CEP112: variants seen among roughly 807,000 people sequenced by gnomAD.
CEP112 encodes centrosomal protein of 112 kDa.
A neutral mutation model predicts 153.0 loss-of-function variants in CEP112; 127 were observed. That is an observed-to-expected ratio of 0.83 (90% confidence interval 0.72 to 0.96). CEP112 has a LOEUF of 0.96. Ranked by LOEUF, CEP112 falls within the 40% of genes least tolerant of loss-of-function variation. The pLI is 0.00. For synonymous variants in CEP112, 358 were observed against 374.4 expected (o/e 0.96, Z 0.51); for missense variants, 1,089 against 1,101.2 (o/e 0.99, Z 0.16).
chr17:66,150,497 C>T (rs1206627054), intron 4 of CEP112, among the ~76,000 whole-genome samples: 1 of 152,212 alleles, frequency 6.6e-6, no homozygotes, highest in Admixed American at 6.5e-5. Context: ...TCCCAAACTG[C>T]TGGGATTATA....
chr17:66,163,243 G>A (rs1568564136), intron 4 of CEP112, among the ~76,000 whole-genome samples: 2 of 151,878 alleles, frequency 1.3e-5, no homozygotes, highest in Non-Finnish European at 2.9e-5. Context: ...CATGTTTTTT[G>A]CATGCATGCT....
At chr17:65,653,550 T>C (rs1025273588) in intron 24 of CEP112, among the ~76,000 whole-genome samples, 9 of 152,012 alleles carry the variant, frequency 5.9e-5, no homozygotes, top group Admixed American at 5.2e-4. Context: ...CAATTGGCCA[T>C]CTGGTGTAAG....
chr17:66,127,553 C>T (rs2069906255), intron 6 of CEP112, among the ~76,000 whole-genome samples: 1 of 152,100 alleles, frequency 6.6e-6, no homozygotes, highest in African/African-American at 2.4e-5. Flanking sequence ...ACTTTAATTT[C>T]CTATCCATTT....
At position 65,703,812 on chromosome 17, in the gene CEP112, TAC is replaced by T. The variant is rs2048764851; in HGVS notation, c.2608-14596_2608-14595del. ...GTCTTTAATCTAACAAATTAAAATG[TAC>T]AAAAAAAAAAACCCAGAAAAACAAG... On this transcript the variant is annotated intron_variant, in intron 23 of 26. Coordinates refer to ENST00000535342, the MANE Select transcript of CEP112 (RefSeq NM_001199165.4). 3.8e-5 allele frequency among the ~76,000 whole-genome samples: 3 copies of T among 79,944 alleles called. No homozygotes were observed. In the South Asian group the frequency reaches 9.3e-4, roughly 25 times the overall value. The allele number at this position is 79,944 out of a possible 152,430, so 52.4% of individuals were successfully genotyped here. A position where few individuals can be genotyped will look rare whatever the true frequency, so the allele number is the denominator to read the frequency against.
intron 1 of CEP112, among the ~76,000 whole-genome samples, chr17:66,188,307 A>ACG: frequency 6.6e-6 from 1 of 151,024 alleles, no homozygotes; most frequent in Admixed American, 6.6e-5. Flanking sequence ...ACACACACAC[A>ACG]CACACACACA....
chr17:65,925,204 T>A (rs1243495482), intron 19 of CEP112, among the ~76,000 whole-genome samples: 1 of 151,918 alleles, frequency 6.6e-6, no homozygotes, highest in East Asian at 1.9e-4. Flanking sequence ...TAAATGGGAG[T>A]TCCCCTGCAC....
At chr17:66,010,274 G>T (rs1173630686) in intron 16 of CEP112, among the ~76,000 whole-genome samples, 1 of 152,116 alleles carries the variant, frequency 6.6e-6, no homozygotes, top group East Asian at 1.9e-4. Context: ...TGTTGCTGGT[G>T]TATAAGAATG....
rs142587527 is a variant in CEP112, at chr17:66,067,197, T to C, written c.856-320A>G. ...TGCAGCAGCTAGGAGGTAGAATCTA[T>C]ATGATCTGCCACACTTGGAAGCTTC... On this transcript the variant is annotated intron_variant, in intron 9 of 26. Coordinates refer to ENST00000535342, the MANE Select transcript of CEP112 (RefSeq NM_001199165.4). Among the ~76,000 whole-genome samples, 346 of 152,316 alleles carry C rather than the reference T, an allele frequency of 2.3e-3. 3 individuals carry two copies. The highest frequency in any genetic ancestry group is 8.1e-3 in the African/African-American group (336 of 41,578).
chr17:66,157,685 T>C (rs1254633169), intron 4 of CEP112, among the ~76,000 whole-genome samples: 1 of 146,954 alleles, frequency 6.8e-6, no homozygotes, highest in African/African-American at 2.5e-5. Context: ...TGGAGGAATA[T>C]TTACCAAGCA....
intron 6 of CEP112, among the ~76,000 whole-genome samples, chr17:66,108,956 A>G (rs1174657890): frequency 6.6e-6 from 1 of 152,222 alleles, no homozygotes; most frequent in Non-Finnish European, 1.5e-5. Flanking sequence ...AGATCCTGTC[A>G]TTTGCAAAAA....
chr17:65,875,351 A>C (rs1350379604), intron 20 of CEP112, among the ~76,000 whole-genome samples: 1 of 152,100 alleles, frequency 6.6e-6, no homozygotes, highest in Non-Finnish European at 1.5e-5. Context: ...TAATCAAACC[A>C]AGTAGTATAG....
At chr17:65,773,430 T>C (rs1220758374) in intron 21 of CEP112, among the ~76,000 whole-genome samples, 4 of 152,130 alleles carry the variant, frequency 2.6e-5, no homozygotes, top group Admixed American at 1.3e-4. Flanking sequence ...TTTATAATAC[T>C]CATTTTCTTC....
At chr17:66,047,129 T>C (rs1291684118) in intron 12 of CEP112, among the ~76,000 whole-genome samples, 1 of 152,196 alleles carries the variant, frequency 6.6e-6, no homozygotes, top group Admixed American at 6.5e-5. Flanking sequence ...ATTTATTTAT[T>C]TTTTTGAGAT....
intron 24 of CEP112, among the ~76,000 whole-genome samples, chr17:65,675,543 A>G (rs967312147): frequency 2.0e-5 from 3 of 152,188 alleles, no homozygotes; most frequent in Non-Finnish European, 4.4e-5. Context: ...TATCAACTTG[A>G]TACAAATTCT....
chr17:65,729,106 C>T (rs2050347840), intron 23 of CEP112, among the ~76,000 whole-genome samples: 2 of 152,066 alleles, frequency 1.3e-5, no homozygotes, highest in African/African-American at 4.8e-5. Flanking sequence ...AATAATTGTA[C>T]ATATTCCGTT....
At chr17:65,814,493 A>G (rs1374485828) in intron 21 of CEP112, among the ~76,000 whole-genome samples, 5 of 152,212 alleles carry the variant, frequency 3.3e-5, no homozygotes. Context: ...CACTTAATTT[A>G]CAGAGATGTA....
At chr17:66,164,649 C>T (rs1264490917) in intron 4 of CEP112, among the ~76,000 whole-genome samples, 1 of 149,188 alleles carries the variant, frequency 6.7e-6, no homozygotes, top group Non-Finnish European at 1.5e-5. Flanking sequence ...CAACGTCAGG[C>T]ATTCAAGACC....
intron 20 of CEP112, among the ~76,000 whole-genome samples, chr17:65,874,745 C>T (rs900928533): frequency 6.6e-6 from 1 of 152,064 alleles, no homozygotes; most frequent in African/African-American, 2.4e-5. Flanking sequence ...TTTCTTACAG[C>T]ATGCTTCCTA....
intron 4 of CEP112, among the ~76,000 whole-genome samples, chr17:66,145,213 A>T (rs1467699583): frequency 1.3e-5 from 2 of 152,120 alleles, no homozygotes; most frequent in Non-Finnish European, 1.5e-5. Context: ...AAGTGTCTGT[A>T]AACTCTTTTG....
Sources: gnomAD v4.1 joint callset for allele counts (sites outside exome capture counted in the v4.1 genomes callset) on GRCh38, gnomAD v4.1.1 for gene constraint, MANE v1.5 for transcripts, NCBI Gene and HGNC (gene_info 2026-07-23, HGNC 2026-07-21) for gene names.